The following B4GALNT2 variants were observed in gnomAD, a reference collection of about 807,000 sequenced individuals.
B4GALNT2 encodes the protein beta-1,4-N-acetyl-galactosaminyltransferase 2 (SID blood group), also known as N-acetylneuraminylgalactosylglucosyl-glucoside beta-1,4-N- acetylgalactosaminyltransferase 2.
A neutral mutation model predicts 51.1 loss-of-function variants in B4GALNT2; 42 were observed. The ratio of observed to expected loss-of-function variants is 0.82; its 90% CI spans 0.64 to 1.06. The LOEUF (loss-of-function observed/expected upper bound fraction) is 1.06, where lower values mean the gene tolerates loss of function less well. Among genes scored for constraint, B4GALNT2 ranks in the 50% least tolerant of loss-of-function variants. B4GALNT2 has a pLI of 0.00. For synonymous variants in B4GALNT2, 253 were observed against 251.7 expected (o/e 1.01, Z -0.05); for missense variants, 602 against 633.6 (o/e 0.95, Z 0.54).
At position 49,169,803 on chromosome 17, in the gene B4GALNT2, C is replaced by T. The variant is rs1164442522; in HGVS notation, c.*75C>T. The T allele has an allele frequency of 1.5e-6, 2 of 1,365,434 alleles. No homozygotes were observed. Among genetic ancestry groups the T allele is most frequent in the Non-Finnish European group, 2.0e-6 (2 of 1,019,170 alleles). 84.6% of individuals were successfully genotyped at this position (1,365,434 alleles called of 1,614,324 possible). ...TAGCAGGCCACCAAAAACTGGACTC[C>T]TGATAGGTGAACGTTGTACCAAACC... On this transcript the variant is annotated 3_prime_UTR_variant, in exon 11 of 11. Coordinates refer to ENST00000393354, the MANE Select transcript of B4GALNT2 (RefSeq NM_001159387.2).
chr17:49,162,792 A>G (rs1429007134), intron 7 of B4GALNT2, among the ~76,000 whole-genome samples: 2 of 150,610 alleles, frequency 1.3e-5, no homozygotes, highest in Non-Finnish European at 2.9e-5. Context: ...GCACGTCTGT[A>G]GTCCCTGCTA....
upstream of B4GALNT2, chr17:49,132,574 G>A: frequency 4.6e-6 from 2 of 433,438 alleles, no homozygotes; most frequent in East Asian, 3.6e-5. Flanking sequence ...AAGCGGGAGA[G>A]AGAAGCCCGA....
Position 49,164,185 on chromosome 17 carries a change from A to T in B4GALNT2, c.864A>T (p.Pro288=). 6.2e-7 allele frequency: 1 copy of T among 1,613,906 alleles called. No homozygotes were observed. Among genetic ancestry groups the T allele is most frequent in the Admixed American group, 1.7e-5 (1 of 60,026 alleles). The part of the protein sequence containing the change: ...IMLRSIREYY[P]DLTVIVADDS... ...TCCGGAGTATTCGAGAGTATTACCC[A>T]GACTTGACCGTAATAGTGGCTGATG... The change falls in exon 8 of 11, where the codon CCA becomes CCT. Residue 288 remains proline (P), a synonymous_variant. Coordinates refer to ENST00000393354, the MANE Select transcript of B4GALNT2 (RefSeq NM_001159387.2).
intron 9 of B4GALNT2, among the ~76,000 whole-genome samples, chr17:49,166,566 C>T (rs1398047289): frequency 9.9e-5 from 15 of 152,156 alleles, no homozygotes; most frequent in Admixed American, 9.8e-4. Flanking sequence ...AGATTAAAGA[C>T]AGGAGCATTC....
intron 4 of B4GALNT2, among the ~76,000 whole-genome samples, chr17:49,155,999 T>C (rs1242010081): frequency 6.6e-6 from 1 of 152,114 alleles, no homozygotes; most frequent in Non-Finnish European, 1.5e-5. Context: ...AGCACTGAGA[T>C]TACAGGCTTG....
At chr17:49,162,014 GTC>G (rs2042869517) in intron 7 of B4GALNT2, among the ~76,000 whole-genome samples, 1 of 150,682 alleles carries the variant, frequency 6.6e-6, no homozygotes. Flanking sequence ...TTGAGACGGA[GTC>G]TTGCTCTGTT....
the B4GALNT2 span, among the ~76,000 whole-genome samples, chr17:49,121,209 A>G: frequency 6.6e-6 from 1 of 152,212 alleles, no homozygotes; most frequent in African/African-American, 2.4e-5. Context: ...AGGCCTGCGC[A>G]AGGCTCTGGG....
chr17:49,138,588 C>T (rs533606403), intron 1 of B4GALNT2, among the ~76,000 whole-genome samples: 7 of 152,228 alleles, frequency 4.6e-5, no homozygotes, highest in African/African-American at 1.7e-4. Context: ...AGTAATCAAA[C>T]TTCTCTCAGC....
intron 3 of B4GALNT2, among the ~76,000 whole-genome samples, chr17:49,150,573 T>C (rs371824788): frequency 2.7e-4 from 41 of 151,878 alleles, no homozygotes; most frequent in East Asian, 2.5e-3. Context: ...TTTTGTTCTG[T>C]ACTAAGAAAA....
intron 1 of B4GALNT2, chr17:49,133,218 G>C: frequency 6.7e-7 from 1 of 1,488,682 alleles, no homozygotes; most frequent in Non-Finnish European, 8.9e-7. Context: ...CCGCCGTCAG[G>C]GGTATGTGAG....
chr17:49,122,416 T>C, the B4GALNT2 span, among the ~76,000 whole-genome samples: 3 of 152,210 alleles, frequency 2.0e-5, no homozygotes, highest in Non-Finnish European at 2.9e-5. Context: ...AGGAGTAATG[T>C]CGTCTGTAGA....
At chr17:49,137,155 A>G (rs1224560410) in intron 1 of B4GALNT2, among the ~76,000 whole-genome samples, 1 of 152,222 alleles carries the variant, frequency 6.6e-6, no homozygotes, top group African/African-American at 2.4e-5. Flanking sequence ...TAGGTATTTT[A>G]AAAATTACAA....
intron 7 of B4GALNT2, among the ~76,000 whole-genome samples, chr17:49,161,864 A>G (rs2042868162): frequency 1.3e-5 from 2 of 151,856 alleles, no homozygotes; most frequent in South Asian, 4.1e-4. Flanking sequence ...CTCAAAAACA[A>G]AAAAACAAAA....
intron 4 of B4GALNT2, among the ~76,000 whole-genome samples, chr17:49,154,456 C>A (rs919087504): frequency 6.6e-6 from 1 of 151,954 alleles, no homozygotes; most frequent in Non-Finnish European, 1.5e-5. Context: ...CACAGATGTC[C>A]CCTCCCAGTG....
At chr17:49,135,670 C>T (rs866246477) in intron 1 of B4GALNT2, among the ~76,000 whole-genome samples, 55 of 152,068 alleles carry the variant, frequency 3.6e-4, no homozygotes, top group African/African-American at 1.3e-3. Flanking sequence ...GTGGTGTGTG[C>T]CTATAGTCCC....
At chr17:49,128,263 T>C (rs531866404), upstream of B4GALNT2, among the ~76,000 whole-genome samples, 63 of 152,130 alleles carry the variant, frequency 4.1e-4, no homozygotes, top group Middle Eastern at 0.01. Context: ...AGAGGGAGAA[T>C]GGCAGAGATG....
chr17:49,154,144 C>G (rs1489579825), intron 4 of B4GALNT2, among the ~76,000 whole-genome samples: 2 of 151,752 alleles, frequency 1.3e-5, no homozygotes, highest in Non-Finnish European at 1.5e-5. Flanking sequence ...GTTGGGATTA[C>G]AAGTGCCCAC....
At chr17:49,156,156 A>G (rs913076125) in intron 4 of B4GALNT2, among the ~76,000 whole-genome samples, 2 of 151,898 alleles carry the variant, frequency 1.3e-5, no homozygotes, top group Non-Finnish European at 2.9e-5. Context: ...TACCCATCCA[A>G]CTGAATTCCC....
chr17:49,162,280 G>C (rs1337694616), intron 7 of B4GALNT2, among the ~76,000 whole-genome samples: 1 of 152,130 alleles, frequency 6.6e-6, no homozygotes, highest in African/African-American at 2.4e-5. Context: ...AATAAGAAAA[G>C]AACACCCAAT....
Sources: allele counts gnomAD v4.1 joint callset (sites outside exome capture counted in the v4.1 genomes callset), GRCh38; gene constraint gnomAD v4.1.1; transcripts MANE v1.5; gene names NCBI Gene and HGNC (gene_info 2026-07-23, HGNC 2026-07-21).